TBC1D26: variants seen among roughly 807,000 people sequenced by gnomAD.
TBC1D26 encodes TBC1 domain family member 26.
In TBC1D26, 19 loss-of-function variants were observed where a neutral mutation model predicts 42.5. The ratio of observed to expected loss-of-function variants is 0.45; its 90% confidence interval spans 0.31 to 0.66. The LOEUF (loss-of-function observed/expected upper bound fraction) is 0.66, where lower values mean the gene tolerates loss of function less well. Ranked by LOEUF, TBC1D26 falls within the 30% of genes least tolerant of loss-of-function variation. The probability of loss-of-function intolerance (pLI) is 0.06; values close to 1 mark genes in which losing one functional copy is unlikely to be tolerated. For synonymous variants in TBC1D26, 97 were observed against 123.5 expected, an observed-to-expected ratio of 0.79 and a Z score of 1.42; for missense variants, 228 against 332.6, an observed-to-expected ratio of 0.69 and a Z score of 2.45.
chr17:15,741,490 G>A (rs1020606473), intron 10 of TBC1D26: 3 of 539,094 alleles, frequency 5.6e-6, no homozygotes, highest in African/African-American at 1.9e-5. Flanking sequence ...TCTGTCGTCC[G>A]AAGCCAGCCC....
chr17:15,743,667 T>C, intron 14 of TBC1D26, 151 bp downstream of exon 14: 1 of 178,372 alleles, frequency 5.6e-6, no homozygotes, highest in Non-Finnish European at 1.1e-5. Context: ...GTCAGATGGG[T>C]CTGCCAGTCC....
At chr17:15,733,678 C>G (rs1967536625) in intron 1 of TBC1D26, 1 of 152,294 alleles carries the variant, frequency 6.6e-6, no homozygotes, top group Non-Finnish European at 1.5e-5. Flanking sequence ...CATAAACGTA[C>G]ATGCTCACCT....
At chr17:15,739,853 G>GA (rs1454953402) in intron 8 of TBC1D26, among the ~76,000 whole-genome samples, 5 of 152,210 alleles carry the variant, frequency 3.3e-5, no homozygotes, top group Admixed American at 2.0e-4. Flanking sequence ...AAAAGGGGAA[G>GA]AAAAAATCAA....
At chr17:15,743,560 C>A in intron 14 of TBC1D26, 44 bp downstream of exon 14, 3 of 882,112 alleles carry the variant, frequency 3.4e-6, no homozygotes, top group South Asian at 5.0e-5. Flanking sequence ...CCCTCTGGGG[C>A]AGTCAATGGT....
Position 15,742,933 on chromosome 17 carries a change from C to T in TBC1D26, c.832C>T (p.Leu278=), listed in dbSNP as rs1378926540. 1 of 154,940 alleles carries T rather than the reference C, an allele frequency of 6.5e-6. No homozygotes were observed. The highest frequency in any genetic ancestry group is 1.4e-5 in the Non-Finnish European group (1 of 69,434). 9.6% of individuals were successfully genotyped at this position (154,940 alleles called of 1,614,324 possible). Residue 278 remains leucine (L), a synonymous_variant, in exon 13 of 15, where the codon CTG becomes TTG. Coordinates refer to ENST00000437605, the MANE Select transcript of TBC1D26 (RefSeq NM_001388465.1). ...GAAATCCTTCGGGCTCACCCTGAGA[C>T]TGTGGGATGTGTTCATCTTGGAGGG... The part of the protein sequence containing the change: ...DGKSFGLTLR[L]WDVFILEGAR...
At chr17:15,744,125 A>G (rs907645109) in intron 14 of TBC1D26, 118 bp from the exon 15 acceptor site, 9 of 152,152 alleles carry the variant, frequency 5.9e-5, no homozygotes, top group African/African-American at 2.2e-4. Context: ...AGAAGATGTC[A>G]TAAAGGTCCA....
chr17:15,735,196 T>G (rs1967577030), intron 2 of TBC1D26, 126 bp downstream of exon 2: 1 of 865,258 alleles, frequency 1.2e-6, no homozygotes, highest in South Asian at 1.6e-5. Flanking sequence ...TAGTCAGGGG[T>G]GGGACCACTG....
chr17:15,738,088 G>A lies in TBC1D26; in HGVS notation c.279+11G>A. On this transcript the variant is annotated intron_variant, in intron 6 of 14. Coordinates refer to ENST00000437605, the MANE Select transcript of TBC1D26 (RefSeq NM_001388465.1). ...AGGAGCACCAAGAAGGTAACATGGG[G>A]AGGAAGTGGCCCGCGTGACTGCTCT... The A allele has an allele frequency of 6.2e-7, 1 of 1,614,242 alleles. No homozygotes were observed.
At chr17:15,740,174 C>A in intron 9 of TBC1D26, 26 bp downstream of exon 9, 1 of 1,614,188 alleles carries the variant, frequency 6.2e-7, no homozygotes, top group East Asian at 2.2e-5. Context: ...CAGCGATATT[C>A]CTGGGACATG....
chr17:15,735,200 A>G (rs772873054), intron 2 of TBC1D26, 130 bp downstream of exon 2: 106 of 902,346 alleles, frequency 1.2e-4, no homozygotes, highest in Admixed American at 1.8e-4. Flanking sequence ...CAGGGGTGGG[A>G]CCACTGAGTC....
chr17:15,740,572 T>G, intron 9 of TBC1D26: 1 of 1,117,236 alleles, frequency 9.0e-7, no homozygotes, highest in Non-Finnish European at 1.1e-6. Context: ...CATAGGAGCA[T>G]AGCAGATAGG....
At chr17:15,741,047 T>C in intron 9 of TBC1D26, 75 bp from the exon 10 acceptor site, 1 of 1,584,708 alleles carries the variant, frequency 6.3e-7, no homozygotes, top group African/African-American at 1.3e-5. Flanking sequence ...GTGCCACCTC[T>C]GGTGACATAA....
At chr17:15,741,703 G>C (rs542117333) in intron 10 of TBC1D26, 1 of 547,726 alleles carries the variant, frequency 1.8e-6, no homozygotes, top group Non-Finnish European at 3.2e-6. Context: ...CCCCGCTGGC[G>C]CCTGCCTTGT....
chr17:15,743,572 G>A (rs1316677587), intron 14 of TBC1D26, 56 bp downstream of exon 14: 1 of 788,280 alleles, frequency 1.3e-6, no homozygotes, highest in East Asian at 1.2e-4. Flanking sequence ...GTCAATGGTG[G>A]GGAGTGCCGT....
At chr17:15,738,565 C>A in intron 7 of TBC1D26, 156 bp from the exon 8 acceptor site, 2 of 1,389,628 alleles carry the variant, frequency 1.4e-6, no homozygotes, top group Non-Finnish European at 2.0e-6. Flanking sequence ...TGCTGACCCT[C>A]CCTGGTGTCA....
Position 15,735,371 on chromosome 17 carries a change from A to T in TBC1D26, c.23A>T (p.Tyr8Phe). 1 of 1,613,910 alleles carries T rather than the reference A, an allele frequency of 6.2e-7. No homozygotes were observed. Among genetic ancestry groups the T allele is most frequent in the Non-Finnish European group, 8.5e-7 (1 of 1,179,862 alleles). MEMDGDP[Y>F]NLPAQGQGNI... ...AGGATGGAGATGGATGGGGACCCGTATAACCTGCCTGCCCAGGGGCAAGGC... is the reference window on the plus strand; with the variant it reads ...AGGATGGAGATGGATGGGGACCCGTTTAACCTGCCTGCCCAGGGGCAAGGC... The change falls in exon 3 of 15, where the codon TAT becomes TTT. Residue 8 changes from tyrosine to phenylalanine, a missense_variant. This residue lies in a region of TBC1D26 where 18 missense variants were observed against 22.5 expected (regional missense o/e 0.80). Transcript: ENST00000437605.
Position 15,741,115 on chromosome 17 carries a change from C to T in TBC1D26, c.547-7C>T, listed in dbSNP as rs776295172. ...ACATCTTTCCACGGTGACTCTGGCT[C>T]TTGCAGGAGGTGGGCTACCACAGGG... On this transcript the variant is annotated splice_region_variant and splice_polypyrimidine_tract_variant and intron_variant, in intron 9 of 14. Coordinates refer to ENST00000437605, the MANE Select transcript of TBC1D26 (RefSeq NM_001388465.1). 3 of 1,609,074 alleles carry T rather than the reference C, an allele frequency of 1.9e-6. No homozygotes were observed. The highest frequency in any genetic ancestry group is 2.2e-5 in the East Asian group (1 of 44,862).
intron 1 of TBC1D26, among the ~76,000 whole-genome samples, chr17:15,732,929 G>A (rs1004141325): frequency 1.3e-5 from 2 of 152,018 alleles, no homozygotes; most frequent in Non-Finnish European, 2.9e-5. Context: ...CCGCCTGTGG[G>A]CAGTTGTGGT....
chr17:15,744,736 A>G lies in TBC1D26; in HGVS notation c.*144A>G, dbSNP rs541205084. ...GAAACAGCTCCTGAAAATGAGAGGG[A>G]AAAGGAAGGTGTAAATATGTTGGTA... On this transcript the variant is annotated 3_prime_UTR_variant, in exon 15 of 15. Transcript: ENST00000437605. 5 of 152,324 alleles carry G rather than the reference A, an allele frequency of 3.3e-5. No homozygotes were observed. The highest frequency in any genetic ancestry group is 4.4e-5 in the Non-Finnish European group (3 of 68,040). The allele number at this position is 152,324 out of a possible 1,614,324, so 9.4% of individuals were successfully genotyped here. A position where few individuals can be genotyped will look rare whatever the true frequency, so the allele number is the denominator to read the frequency against.
Sources: gnomAD v4.1 joint callset for allele counts (sites outside exome capture counted in the v4.1 genomes callset) on GRCh38, gnomAD v4.1.1 for gene constraint, gnomAD v4.1.1 regional missense constraint, MANE v1.5 for transcripts, NCBI Gene and HGNC (gene_info 2026-07-23, HGNC 2026-07-21) for gene names.